Variants in NHSL2 observed in about 807,000 individuals in gnomAD.
NHSL2 encodes NHS-like protein 2.
NHSL2 carries 27 observed loss-of-function variants against 53.4 expected under a neutral mutation model. The ratio of observed to expected loss-of-function variants is 0.51; its 90% CI spans 0.37 to 0.70. The LOEUF is 0.70. Among genes scored for constraint, NHSL2 ranks in the 30% least tolerant of loss-of-function variants. The pLI is 0.00. For missense variants in NHSL2, 892 were observed against 980.1 expected, an observed-to-expected ratio of 0.91 and a Z score of 1.20; for synonymous variants, 408 against 404.1, an observed-to-expected ratio of 1.01 and a Z score of -0.12.
Position 71,989,314 on chromosome X carries a change from A to T in NHSL2, c.280+77947A>T, listed in dbSNP as rs1201504385. ...CAGTAAGTCGAGATCGCTCCACTGC[A>T]CTCCAGCCTGGGCGACAGAGCAAGA... is the stretch of plus-strand genomic sequence containing the variant. On this transcript the variant is annotated intron_variant, in intron 1 of 7. Coordinates refer to ENST00000633930, the MANE Select transcript of NHSL2 (RefSeq NM_001013627.3). Among the ~76,000 whole-genome samples the T allele has an allele frequency of 2.3e-5, 2 of 87,839 alleles. 1 individual carries two copies. 76.3% of individuals were successfully genotyped at this position (87,839 alleles called of 115,157 possible).
chrX:72,114,467 C>A (rs749995921), intron 1 of NHSL2, among the ~76,000 whole-genome samples: 35 of 111,541 alleles, frequency 3.1e-4, no homozygotes, highest in African/African-American at 1.1e-3. Context: ...GGAAGCCGAC[C>A]CTGAGGCAGA....
Position 72,034,115 on chromosome X carries a change from T to G in NHSL2, c.281-97964T>G, listed in dbSNP as rs372681400. Among the ~76,000 whole-genome samples, 5 of 112,302 alleles carry G rather than the reference T, an allele frequency of 4.5e-5. No homozygotes were observed. The East Asian group carries it at 1.4e-3, about 31-fold the overall frequency. ...CACTCTTCCTAGTTTTCCAAGAGTT[T>G]CTATCATGTATGGGTGTTGGATTTT... On this transcript the variant is annotated intron_variant, in intron 1 of 7. Coordinates refer to ENST00000633930, the MANE Select transcript of NHSL2 (RefSeq NM_001013627.3).
intron 1 of NHSL2, among the ~76,000 whole-genome samples, chrX:72,046,924 G>T (rs1278705477): frequency 3.6e-5 from 4 of 111,508 alleles, no homozygotes; most frequent in Non-Finnish European, 7.5e-5. Context: ...AGTAACAACA[G>T]AGTTGTGCAG....
intron 1 of NHSL2, among the ~76,000 whole-genome samples, chrX:71,986,910 A>T (rs1189056837): frequency 8.9e-6 from 1 of 111,816 alleles, no homozygotes; most frequent in African/African-American, 3.3e-5. Context: ...ACTTGCTCAA[A>T]CCTTCAGCTT....
intron 1 of NHSL2, among the ~76,000 whole-genome samples, chrX:71,964,043 G>GTGTATATATATATATGTA (rs1319267507): frequency 2.8e-4 from 15 of 53,090 alleles, no homozygotes; most frequent in Non-Finnish European, 4.5e-4. Context: ...ATATATATAT[G>GTGTATATATATATATGTA]TATATATATA....
At chrX:71,997,784 C>A (rs777597859) in intron 1 of NHSL2, among the ~76,000 whole-genome samples, 8 of 111,927 alleles carry the variant, frequency 7.1e-5, no homozygotes, top group Non-Finnish European at 1.5e-4. Flanking sequence ...AGATTTTTGT[C>A]TTTTATTCAT....
At chrX:71,984,321 A>G (rs1030427440) in intron 1 of NHSL2, among the ~76,000 whole-genome samples, 4 of 112,269 alleles carry the variant, frequency 3.6e-5, no homozygotes, top group Non-Finnish European at 7.5e-5. Flanking sequence ...CTTATCCTGC[A>G]TTCCTACACA....
chrX:72,086,484 G>C (rs1309482443), intron 1 of NHSL2, among the ~76,000 whole-genome samples: 2 of 111,203 alleles, frequency 1.8e-5, no homozygotes, highest in Non-Finnish European at 3.8e-5. Flanking sequence ...AAGAGTTCAA[G>C]ACCAGCCTGG....
chrX:72,047,591 G>A (rs926517098), intron 1 of NHSL2, among the ~76,000 whole-genome samples: 6 of 112,019 alleles, frequency 5.4e-5, no homozygotes, highest in African/African-American at 1.6e-4. Context: ...GAAATTTTTA[G>A]CTCAATAGTT....
intron 1 of NHSL2, among the ~76,000 whole-genome samples, chrX:72,122,034 T>C (rs1272707258): frequency 8.9e-6 from 1 of 112,436 alleles, no homozygotes; most frequent in Non-Finnish European, 1.9e-5. Flanking sequence ...ATTATGAAAG[T>C]AGTAACACAA....
At chrX:72,005,016 C>G (rs752157120) in intron 1 of NHSL2, among the ~76,000 whole-genome samples, 1 of 111,674 alleles carries the variant, frequency 9.0e-6, no homozygotes, top group Admixed American at 9.4e-5. Context: ...CGAGCTAAGG[C>G]AGGCTGAGAT....
At chrX:72,093,971 G>A (rs1461883021) in intron 1 of NHSL2, among the ~76,000 whole-genome samples, 5 of 109,941 alleles carry the variant, frequency 4.5e-5, no homozygotes, top group Admixed American at 2.0e-4. Flanking sequence ...TAGTAGAGAC[G>A]GGGTTTCACC....
chrX:71,968,151 C>T (rs1336644598), intron 1 of NHSL2, among the ~76,000 whole-genome samples: 1 of 109,487 alleles, frequency 9.1e-6, no homozygotes, highest in Non-Finnish European at 1.9e-5. Context: ...CACACACCAC[C>T]ATGCCTGGCT....
At chrX:72,033,900 CA>C (rs1275646350) in intron 1 of NHSL2, among the ~76,000 whole-genome samples, 1 of 112,038 alleles carries the variant, frequency 8.9e-6, no homozygotes, top group Non-Finnish European at 1.9e-5. Flanking sequence ...TAGCCTATTG[CA>C]CCAGCTAGAG....
rs746463977 is a variant in NHSL2 at position 72,140,546 on chromosome X, A to T, written c.2998A>T (p.Ile1000Phe). ...AGAAGCTGAGAAAAAGAAAGGCAAG[A>T]TTCCACCTCCCGTACCAAAAAAACC... ...QEEAEKKKGK[I>F]PPPVPKKPSV... Residue 1000 changes from isoleucine (I) to phenylalanine (F), a missense_variant, in exon 6 of 8, where the codon ATT becomes TTT. Physicochemically the swap from Ile to Phe is conservative, Grantham distance 21 (BLOSUM62 0). Transcript: ENST00000633930. The T allele has an allele frequency of 8.3e-7, 1 of 1,211,226 alleles. No homozygotes were observed. The highest frequency in any genetic ancestry group is 1.1e-6 in the Non-Finnish European group (1 of 895,150).
intron 1 of NHSL2, among the ~76,000 whole-genome samples, chrX:72,059,208 A>C (rs1018796775): frequency 9.1e-6 from 1 of 110,253 alleles, no homozygotes; most frequent in Non-Finnish European, 1.9e-5. Context: ...ACCATGGTCT[A>C]TTCTCCCTGT....
At chrX:72,037,250 T>C (rs1226961473) in intron 1 of NHSL2, among the ~76,000 whole-genome samples, 14 of 110,889 alleles carry the variant, frequency 1.3e-4, no homozygotes, top group African/African-American at 4.3e-4. Flanking sequence ...AAACCCCGTC[T>C]CTACTAAAAA....
intron 1 of NHSL2, among the ~76,000 whole-genome samples, chrX:71,959,527 T>C (rs2041858291): frequency 8.9e-6 from 1 of 111,830 alleles, no homozygotes; most frequent in African/African-American, 3.3e-5. Flanking sequence ...ATTTAAAGAA[T>C]TGTGCAATCA....
At chrX:72,078,210 A>G (rs780004782) in intron 1 of NHSL2, among the ~76,000 whole-genome samples, 1 of 112,286 alleles carries the variant, frequency 8.9e-6, no homozygotes, top group South Asian at 3.7e-4. Flanking sequence ...CTTAGCCCCT[A>G]TGCTAATCTG....
Sources: allele counts gnomAD v4.1 joint callset (sites outside exome capture counted in the v4.1 genomes callset), GRCh38; gene constraint gnomAD v4.1.1; transcripts MANE v1.5; gene names NCBI Gene and HGNC (gene_info 2026-07-23, HGNC 2026-07-21).